ERBB4: variants seen among roughly 807,000 people sequenced by gnomAD.
ERBB4 encodes receptor tyrosine-protein kinase erbB-4.
In ERBB4, 42 loss-of-function variants were observed where a neutral mutation model predicts 158.0. The ratio of observed to expected loss-of-function variants is 0.27; its 90% CI spans 0.21 to 0.34. ERBB4 has a LOEUF of 0.34. Among genes scored for constraint, ERBB4 ranks in the 10% least tolerant of loss-of-function variants. The probability of loss-of-function intolerance (pLI) is 1.00; values close to 1 mark genes in which losing one functional copy is unlikely to be tolerated. For synonymous variants in ERBB4, 583 were observed against 558.7 expected (o/e 1.04, Z -0.61); for missense variants, 1,333 against 1,624.1 (o/e 0.82, Z 3.08).
chr2:211,422,416 A>G (rs2063532396), intron 23 of ERBB4, among the ~76,000 whole-genome samples: 1 of 151,052 alleles, frequency 6.6e-6, no homozygotes, highest in South Asian at 2.1e-4. Context: ...TTTGGTTACA[A>G]TGCTTACACT....
chr2:211,719,595 T>C (rs936310912), intron 7 of ERBB4, among the ~76,000 whole-genome samples: 10 of 152,106 alleles, frequency 6.6e-5, no homozygotes, highest in South Asian at 2.1e-4. Context: ...GTGGGTCACG[T>C]CTGTAATCCC....
At chr2:212,004,394 T>C (rs2076212141) in intron 2 of ERBB4, among the ~76,000 whole-genome samples, 1 of 152,168 alleles carries the variant, frequency 6.6e-6, no homozygotes, top group South Asian at 2.1e-4. Context: ...TGAGTACATA[T>C]GTTAGCCTGA....
intron 1 of ERBB4, among the ~76,000 whole-genome samples, chr2:212,421,707 G>A (rs1012934193): frequency 6.6e-6 from 1 of 152,134 alleles, no homozygotes; most frequent in African/African-American, 2.4e-5. Context: ...CACTACACTA[G>A]GAAAATTTGA....
intron 20 of ERBB4, among the ~76,000 whole-genome samples, chr2:211,505,322 A>G (rs1222651922): frequency 1.9e-5 from 1 of 53,436 alleles, no homozygotes; most frequent in South Asian, 5.7e-4. Context: ...AAGAAAAAAG[A>G]AAAAAAAAAT....
chr2:212,161,893 T>C (rs1352927522), intron 1 of ERBB4, among the ~76,000 whole-genome samples: 1 of 151,842 alleles, frequency 6.6e-6, no homozygotes, highest in Non-Finnish European at 1.5e-5. Context: ...AATTCCTTAT[T>C]AATCTTTGCT....
At chr2:212,146,821 G>A (rs866178546) in intron 1 of ERBB4, among the ~76,000 whole-genome samples, 1 of 152,016 alleles carries the variant, frequency 6.6e-6, no homozygotes, top group Non-Finnish European at 1.5e-5. Context: ...TAGCAGAATG[G>A]TGCCAGACAT....
rs751747112 is a variant in ERBB4 at position 211,921,405 on chromosome 2, C to G, written c.421+26025G>C. ...GTTAGGATAAGACTTGTTTTTTGAGCTTAAAAAAAATAGGAAGGATCAAAA... is the reference window on the plus strand; with the variant it reads ...GTTAGGATAAGACTTGTTTTTTGAGGTTAAAAAAAATAGGAAGGATCAAAA... On this transcript the variant is annotated intron_variant, in intron 3 of 27. Transcript: ENST00000342788. Among the ~76,000 whole-genome samples the G allele has an allele frequency of 4.0e-5, 6 of 151,626 alleles. No homozygotes were observed. The South Asian group carries it at 1.3e-3, about 32-fold the overall frequency.
Position 212,531,604 on chromosome 2 carries a change from G to C in ERBB4, c.82+6845C>G, listed in dbSNP as rs554822216. 7.9e-5 allele frequency among the ~76,000 whole-genome samples: 12 copies of C among 152,198 alleles called. No homozygotes were observed. In the South Asian group the frequency reaches 1.7e-3, roughly 21 times the overall value. On this transcript the variant is annotated intron_variant, in intron 1 of 27. Transcript: ENST00000342788. The stretch of plus-strand genomic sequence containing the variant: ...TAAAGGTCTCCATCAACTAACTGGT[G>C]ATGAGGAACCCACTGTTTATCCTTT...
chr2:211,966,180 C>T (rs1259844617), intron 2 of ERBB4, among the ~76,000 whole-genome samples: 2 of 152,112 alleles, frequency 1.3e-5, no homozygotes, highest in African/African-American at 4.8e-5. Context: ...CGCCATTGCA[C>T]TCCAGCTTGG....
intron 3 of ERBB4, among the ~76,000 whole-genome samples, chr2:211,792,104 A>T (rs2076290294): frequency 6.6e-6 from 1 of 151,774 alleles, no homozygotes; most frequent in Non-Finnish European, 1.5e-5. Context: ...GAAAAAAAGT[A>T]CCATGGAATT....
At chr2:211,859,182 GT>G (rs376736308) in intron 3 of ERBB4, among the ~76,000 whole-genome samples, 1 of 152,318 alleles carries the variant, frequency 6.6e-6, no homozygotes, top group African/African-American at 2.4e-5. Flanking sequence ...AATCAAAACT[GT>G]AAATGAACTT....
intron 2 of ERBB4, among the ~76,000 whole-genome samples, chr2:211,962,595 T>C (rs1268059988): frequency 6.6e-6 from 1 of 152,160 alleles, no homozygotes; most frequent in Admixed American, 6.6e-5. Context: ...AGAATTATGT[T>C]CTTAGTTGCA....
At chr2:212,241,011 T>C (rs1261349972) in intron 1 of ERBB4, among the ~76,000 whole-genome samples, 1 of 152,226 alleles carries the variant, frequency 6.6e-6, no homozygotes, top group East Asian at 1.9e-4. Flanking sequence ...GGCATTTGAA[T>C]GCTTTCTTGA....
At chr2:212,023,100 AG>A (rs1404464081) in intron 2 of ERBB4, among the ~76,000 whole-genome samples, 3 of 152,200 alleles carry the variant, frequency 2.0e-5, no homozygotes, top group Admixed American at 1.3e-4. Flanking sequence ...CTGCCTAGGG[AG>A]TATAGAGAAA....
At chr2:211,970,658 T>G (rs2081426847) in intron 2 of ERBB4, among the ~76,000 whole-genome samples, 2 of 152,208 alleles carry the variant, frequency 1.3e-5, no homozygotes, top group South Asian at 4.1e-4. Flanking sequence ...TTGATCTTTG[T>G]TGGTTTGAAG....
At chr2:211,904,798 C>T (rs2079332715) in intron 3 of ERBB4, among the ~76,000 whole-genome samples, 1 of 152,036 alleles carries the variant, frequency 6.6e-6, no homozygotes, top group African/African-American at 2.4e-5. Context: ...ATTACCTTCA[C>T]TCACTAGTAT....
At chr2:211,480,265 A>G (rs1000350667) in intron 20 of ERBB4, among the ~76,000 whole-genome samples, 3 of 151,996 alleles carry the variant, frequency 2.0e-5, no homozygotes, top group Admixed American at 1.3e-4. Context: ...TTCTTAGTAT[A>G]GTATCTTGGT....
At chr2:211,536,137 C>T (rs914019495) in intron 20 of ERBB4, among the ~76,000 whole-genome samples, 1 of 151,948 alleles carries the variant, frequency 6.6e-6, no homozygotes, top group Non-Finnish European at 1.5e-5. Context: ...CCTGCCCTAG[C>T]CCTTTGGAGA....
In ERBB4 at chr2:212,298,957, T is replaced by C. The variant is rs1427462495; in HGVS notation, c.83-174054A>G. On this transcript the variant is annotated intron_variant, in intron 1 of 27. Transcript: ENST00000342788. ...GTATTATATAGCAAGTTCTCTTTCA[T>C]TGTGAAATACTTTACATGATAATAA... 2.6e-5 allele frequency among the ~76,000 whole-genome samples: 4 copies of C among 151,776 alleles called. No homozygotes were observed. In the East Asian group the frequency reaches 5.8e-4, roughly 22 times the overall value.
Sources: gnomAD v4.1 joint callset for allele counts (sites outside exome capture counted in the v4.1 genomes callset) on GRCh38, gnomAD v4.1.1 for gene constraint, MANE v1.5 for transcripts, NCBI Gene and HGNC (gene_info 2026-07-23, HGNC 2026-07-21) for gene names.